Variants in ABCG1 observed in about 807,000 individuals in gnomAD.
ABCG1 encodes the protein ATP binding cassette subfamily G member 1.
In ABCG1, 29 loss-of-function variants were observed where a neutral mutation model predicts 69.2. That is an observed-to-expected ratio of 0.42 (90% CI 0.31 to 0.57). The LOEUF is 0.57. Ranked by LOEUF, ABCG1 falls within the 20% of genes least tolerant of loss-of-function variation. The probability of loss-of-function intolerance (pLI) is 0.15; values close to 1 mark genes in which losing one functional copy is unlikely to be tolerated. For synonymous variants in ABCG1, 370 were observed against 374.8 expected (o/e 0.99, Z 0.15); for missense variants, 718 against 898.1 (o/e 0.80, Z 2.56).
At chr21:42,257,721 C>A (rs183436) in intron 2 of ABCG1, among the ~76,000 whole-genome samples, 103,956 of 152,058 alleles carry the variant, frequency 0.68, 35,948 homozygotes, top group African/African-American at 0.76. Context: ...GTCATACTTG[C>A]ATATGTGCTT....
intron 2 of ABCG1, among the ~76,000 whole-genome samples, chr21:42,250,701 C>T (rs770102196): frequency 9.2e-5 from 14 of 152,306 alleles, no homozygotes; most frequent in Non-Finnish European, 1.9e-4. Context: ...GTCTCTCCCG[C>T]GGTACCCTCC....
intron 5 of ABCG1, among the ~76,000 whole-genome samples, chr21:42,281,015 G>T (rs1453328099): frequency 1.3e-5 from 2 of 152,274 alleles, no homozygotes; most frequent in East Asian, 3.8e-4. Flanking sequence ...TCAGCAAGGA[G>T]GTTCAGGACA....
At position 42,219,275 on chromosome 21, in the gene ABCG1, A is replaced by G; in HGVS notation, c.13A>G (p.Met5Val). MACL[M>V]AAFSVGTAMN... The stretch of plus-strand genomic sequence containing the variant: ...CCGCCCCCGGGGCATGGCCTGTCTG[A>G]TGGCCGCTTTCTCGGTCGGCACCGC... The change falls in exon 1 of 15, where the codon ATG becomes GTG. Residue 5 changes from methionine to valine, a missense_variant. By Grantham distance (21) the Met-to-Val change is conservative. Around this residue, in one of 2 missense-constraint regions of ABCG1, gnomAD observed 514 missense variants for 574.3 expected, o/e 0.90. Transcript: ENST00000398449. The surrounding 1 kb of genome is among the most constrained non-coding windows in gnomAD (Gnocchi z 5.3). 1 of 1,587,182 alleles carries G rather than the reference A, an allele frequency of 6.3e-7. No homozygotes were observed. The highest frequency in any genetic ancestry group is 2.3e-5 in the East Asian group (1 of 42,714).
At chr21:42,289,213 G>A (rs1161582367) in intron 10 of ABCG1, among the ~76,000 whole-genome samples, 2 of 152,284 alleles carry the variant, frequency 1.3e-5, no homozygotes, top group East Asian at 3.9e-4. Flanking sequence ...TTTGTGTCCT[G>A]CTTGTGTTAG....
intron 2 of ABCG1, among the ~76,000 whole-genome samples, chr21:42,249,728 A>G (rs936313849): frequency 5.9e-5 from 9 of 152,172 alleles, no homozygotes; most frequent in African/African-American, 2.2e-4. Context: ...AGGGAGGGCC[A>G]GGCGCAGTGG....
chr21:42,216,341 T>A (rs2067639868), upstream of ABCG1, among the ~76,000 whole-genome samples: 1 of 152,096 alleles, frequency 6.6e-6, no homozygotes, highest in Admixed American at 6.5e-5. Context: ...TCTGTTGGGG[T>A]TGGGACTAAG....
intron 2 of ABCG1, among the ~76,000 whole-genome samples, chr21:42,255,796 T>A (rs956309356): frequency 6.6e-6 from 1 of 152,194 alleles, no homozygotes; most frequent in Non-Finnish European, 1.5e-5. Context: ...CGACTTTCAA[T>A]GAAAATCTCT....
chr21:42,282,869 G>A (rs1028663172), intron 6 of ABCG1, among the ~76,000 whole-genome samples: 5 of 151,670 alleles, frequency 3.3e-5, no homozygotes, highest in Non-Finnish European at 5.9e-5. Flanking sequence ...CTATACCCAC[G>A]GGCGCTCTGA....
intron 2 of ABCG1, among the ~76,000 whole-genome samples, chr21:42,241,054 G>T (rs2068044145): frequency 6.6e-6 from 1 of 152,264 alleles, no homozygotes; most frequent in South Asian, 2.1e-4. Flanking sequence ...GACACTCTGG[G>T]CTGACAGTCA....
intron 4 of ABCG1, among the ~76,000 whole-genome samples, chr21:42,275,684 C>T (rs2068697161): frequency 6.6e-6 from 1 of 152,204 alleles, no homozygotes; most frequent in South Asian, 2.1e-4. Flanking sequence ...AACCTCGCCA[C>T]CGAACCTGCT....
intron 13 of ABCG1, among the ~76,000 whole-genome samples, chr21:42,292,128 G>A (rs375425084): frequency 9.2e-4 from 140 of 152,052 alleles, no homozygotes; most frequent in African/African-American, 3.2e-3. Flanking sequence ...CCCCCGACCT[G>A]CCGCCCACAT....
chr21:42,256,251 C>G (rs781094647), intron 2 of ABCG1: 138 of 1,484,380 alleles, frequency 9.3e-5, no homozygotes, highest in Middle Eastern at 1.8e-4. Flanking sequence ...GTGCAACAGA[C>G]AGAACACTTA....
intron 5 of ABCG1, 73 bp downstream of exon 5, chr21:42,277,018 G>C: frequency 4.0e-6 from 6 of 1,517,678 alleles, no homozygotes; most frequent in Non-Finnish European, 5.5e-6. Context: ...GTGCCTGCCG[G>C]GGCATTTTGG....
chr21:42,294,475 G>A (rs576784739), intron 13 of ABCG1, 67 bp from the exon 14 acceptor site: 9 of 1,299,528 alleles, frequency 6.9e-6, no homozygotes, highest in African/African-American at 4.4e-5. Flanking sequence ...TGGCGTGGGC[G>A]AGCCTCCTCT....
chr21:42,249,531 AATT>A (rs1373076494), intron 2 of ABCG1, among the ~76,000 whole-genome samples: 1 of 152,184 alleles, frequency 6.6e-6, no homozygotes, highest in Non-Finnish European at 1.5e-5. Context: ...TTCTGGTGAG[AATT>A]AAATGAGTTC....
chr21:42,272,129 A>C (rs2068628458), intron 3 of ABCG1, among the ~76,000 whole-genome samples: 2 of 152,248 alleles, frequency 1.3e-5, no homozygotes, highest in South Asian at 4.1e-4. Flanking sequence ...TTTTCCTTAG[A>C]GCTTCTGAAT....
chr21:42,213,780 C>G (rs111931076), upstream of ABCG1, among the ~76,000 whole-genome samples: 3 of 152,194 alleles, frequency 2.0e-5, no homozygotes, highest in African/African-American at 7.2e-5. Context: ...GACCTGTTAT[C>G]GCTTTCTTCT....
Position 42,296,014 on chromosome 21 carries a change from C to T in ABCG1, c.1773-150C>T, listed in dbSNP as rs1038501910. The stretch of plus-strand genomic sequence containing the variant: ...GTGTTTGTCTTAAGAAGGTGGTGGG[C>T]GGTGAGGAAGTATTCTGGGGAAGGC... On this transcript the variant is annotated intron_variant, in intron 14 of 14. Coordinates refer to ENST00000398449, the MANE Select transcript of ABCG1 (RefSeq NM_016818.3). This position sits in a 1 kb window ranked among gnomAD's most constrained non-coding sequence, Gnocchi z 5.4. The T allele has an allele frequency of 3.9e-5, 25 of 637,506 alleles. No homozygotes were observed. The highest frequency in any genetic ancestry group is 7.3e-5 in the African/African-American group (4 of 55,108). 39.5% of individuals were successfully genotyped at this position (637,506 alleles called of 1,614,324 possible). A position where few individuals can be genotyped will look rare whatever the true frequency, so the allele number is the denominator to read the frequency against.
intron 3 of ABCG1, among the ~76,000 whole-genome samples, chr21:42,271,692 G>A (rs903269293): frequency 6.6e-6 from 1 of 152,160 alleles, no homozygotes; most frequent in Non-Finnish European, 1.5e-5. Context: ...GACCAGCCTG[G>A]CCAACATGAT....
Sources: gnomAD v4.1 joint callset for allele counts (sites outside exome capture counted in the v4.1 genomes callset) on GRCh38, gnomAD v4.1.1 for gene constraint, gnomAD v4.1.1 regional missense constraint, Gnocchi (gnomAD v3.1) non-coding constraint, MANE v1.5 for transcripts, NCBI Gene and HGNC (gene_info 2026-07-23, HGNC 2026-07-21) for gene names.